Variants in USP39 observed in about 807,000 individuals in gnomAD.
USP39 encodes ubiquitin carboxyl-terminal hydrolase 39.
Under a neutral mutation model 66.4 loss-of-function variants are expected in USP39, and 38 were observed. The observed-to-expected ratio is 0.57, with a 90% CI of 0.44 to 0.75. The LOEUF (loss-of-function observed/expected upper bound fraction) is 0.75. Ranked by LOEUF, USP39 falls within the 30% of genes least tolerant of loss-of-function variation. The pLI is 0.00. For missense variants in USP39, 608 were observed against 714.4 expected (o/e 0.85, Z 1.70); for synonymous variants, 303 against 274.6 (o/e 1.10, Z -1.02).
At chr2:85,635,295 C>T (rs1262823465) in intron 6 of USP39, among the ~76,000 whole-genome samples, 2 of 152,188 alleles carry the variant, frequency 1.3e-5, no homozygotes, top group Non-Finnish European at 2.9e-5. Flanking sequence ...CGCAGTGGCT[C>T]ATGCCTGTAA....
upstream of USP39, among the ~76,000 whole-genome samples, chr2:85,613,117 T>C (rs1673680449): frequency 6.6e-6 from 1 of 152,002 alleles, no homozygotes; most frequent in Admixed American, 6.6e-5. Flanking sequence ...TCCAAAACTT[T>C]GGGATGCCGA....
At chr2:85,603,856 G>A (rs879649568) in intron 1 of USP39, among the ~76,000 whole-genome samples, 2 of 152,176 alleles carry the variant, frequency 1.3e-5, no homozygotes, top group Admixed American at 6.5e-5. Context: ...GCCTCCCAAA[G>A]TGCTGGGATT....
intron 5 of USP39, among the ~76,000 whole-genome samples, chr2:85,628,287 A>T (rs1232433957): frequency 2.0e-5 from 3 of 152,142 alleles, no homozygotes; most frequent in South Asian, 2.1e-4. Context: ...CTGGGACTAC[A>T]GGTGCGTGCC....
At chr2:85,618,532 A>T (rs1337459949) in intron 1 of USP39, among the ~76,000 whole-genome samples, 1 of 149,754 alleles carries the variant, frequency 6.7e-6, no homozygotes, top group Non-Finnish European at 1.5e-5. Flanking sequence ...ATTGCACTCC[A>T]GCCTGGGGGA....
intron 4 of USP39, 32 bp from the exon 5 acceptor site, chr2:85,625,507 T>G (rs1194060319): frequency 6.2e-7 from 1 of 1,611,392 alleles, no homozygotes; most frequent in Non-Finnish European, 8.5e-7. Context: ...ACTCAGCTCT[T>G]AAACAACTTA....
At position 85,616,415 on chromosome 2, in the gene USP39, C is replaced by T. The variant is rs1430271703; in HGVS notation, c.220C>T (p.Arg74Trp). ...TGTTGTCCCGTTTGTGCGGGTGAAG[C>T]GGGAGCGCGAGGTCGATGAGGACTC... The part of the protein sequence containing the change: ...ASVVPFVRVK[R>W]EREVDEDSEP... The change falls in exon 1 of 13, where the codon CGG becomes TGG. Residue 74 changes from arginine (R) to tryptophan (W), a missense_variant. Physicochemically the swap from Arg to Trp is moderately radical, Grantham distance 101 (BLOSUM62 -3). Coordinates refer to ENST00000323701, the MANE Select transcript of USP39 (RefSeq NM_006590.4). The T allele has an allele frequency of 1.3e-6, 2 of 1,598,346 alleles. No homozygotes were observed. The highest frequency in any genetic ancestry group is 1.1e-5 in the South Asian group (1 of 89,254).
chr2:85,624,366 G>A (rs1281091290), intron 4 of USP39, among the ~76,000 whole-genome samples: 1 of 151,552 alleles, frequency 6.6e-6, no homozygotes, highest in Non-Finnish European at 1.5e-5. Flanking sequence ...TTTTTTTTGA[G>A]ACAGGGTCTC....
intron 2 of USP39, among the ~76,000 whole-genome samples, chr2:85,620,219 G>A (rs1332052298): frequency 6.6e-6 from 1 of 151,578 alleles, no homozygotes; most frequent in African/African-American, 2.4e-5. Flanking sequence ...TCTGGCTCAT[G>A]CCTGTAATCC....
intron 5 of USP39, among the ~76,000 whole-genome samples, chr2:85,626,089 G>A (rs947521733): frequency 3.9e-5 from 6 of 151,966 alleles, no homozygotes; most frequent in Non-Finnish European, 5.9e-5. Flanking sequence ...GCCAGGCGCA[G>A]TGGCTCATAC....
upstream of USP39, chr2:85,615,983 C>T (rs757739692): frequency 3.5e-5 from 31 of 884,850 alleles, no homozygotes; most frequent in Non-Finnish European, 4.2e-5. Flanking sequence ...TCTCAGTAAA[C>T]TGTAAACGAC....
chr2:85,636,240 G>C, intron 7 of USP39, 110 bp downstream of exon 7: 2 of 1,012,108 alleles, frequency 2.0e-6, no homozygotes, highest in East Asian at 2.4e-5. Flanking sequence ...GGCCGAGGTG[G>C]GTGGATTACC....
intron 10 of USP39, among the ~76,000 whole-genome samples, chr2:85,643,126 A>G (rs558612370): frequency 6.6e-6 from 1 of 152,146 alleles, no homozygotes; most frequent in South Asian, 2.1e-4. Context: ...TACTAACACA[A>G]AATGATTAAA....
intron 5 of USP39, among the ~76,000 whole-genome samples, chr2:85,627,742 G>A (rs192774582): frequency 5.9e-5 from 9 of 152,056 alleles, no homozygotes; most frequent in Admixed American, 5.9e-4. Context: ...GAGGCTGTTG[G>A]AGAAGTTTGA....
At chr2:85,626,492 T>A (rs1674874397) in intron 5 of USP39, among the ~76,000 whole-genome samples, 1 of 152,220 alleles carries the variant, frequency 6.6e-6, no homozygotes, top group Admixed American at 6.5e-5. Context: ...TGGGCTGCTG[T>A]CAAATGGTGA....
At chr2:85,633,333 G>A (rs745516389) in intron 6 of USP39, among the ~76,000 whole-genome samples, 28 of 152,102 alleles carry the variant, frequency 1.8e-4, no homozygotes, top group Non-Finnish European at 3.5e-4. Flanking sequence ...ACGTTGGTCA[G>A]GCTGGTATCG....
Position 85,648,974 on chromosome 2 carries a change from C to T in USP39, c.*166C>T, listed in dbSNP as rs1676856141. On this transcript the variant is annotated 3_prime_UTR_variant, in exon 13 of 13. Coordinates refer to ENST00000323701, the MANE Select transcript of USP39 (RefSeq NM_006590.4). ...CCAAGAGCCCACTTGCCTGGGATGG[C>T]CCCACACTGTCACTCAGCTGTTCTT... 2 of 730,862 alleles carry T rather than the reference C, an allele frequency of 2.7e-6. No individual in the cohort carries two copies. Among genetic ancestry groups the T allele is most frequent in the Non-Finnish European group, 4.8e-6 (2 of 419,952 alleles). 45.3% of individuals were successfully genotyped at this position (730,862 alleles called of 1,614,324 possible).
At chr2:85,633,375 G>A (rs527678728) in intron 6 of USP39, among the ~76,000 whole-genome samples, 1 of 151,908 alleles carries the variant, frequency 6.6e-6, no homozygotes, top group South Asian at 2.1e-4. Flanking sequence ...CACCCGCCTC[G>A]GCCTCCCAAA....
intron 5 of USP39, among the ~76,000 whole-genome samples, chr2:85,629,759 A>G (rs568987674): frequency 1.3e-5 from 2 of 152,220 alleles, no homozygotes; most frequent in South Asian, 2.1e-4. Flanking sequence ...GGCCTCCCAA[A>G]GTGCTGGGAT....
intron 2 of USP39, 101 bp from the exon 3 acceptor site, chr2:85,621,384 G>C (rs1380562160): frequency 2.1e-6 from 2 of 951,808 alleles, no homozygotes; most frequent in Non-Finnish European, 3.3e-6. Flanking sequence ...GTTTTCTGAA[G>C]GATGTTATGT....
Sources: allele counts gnomAD v4.1 joint callset (sites outside exome capture counted in the v4.1 genomes callset), GRCh38; gene constraint gnomAD v4.1.1; transcripts MANE v1.5; gene names NCBI Gene and HGNC (gene_info 2026-07-23, HGNC 2026-07-21).